ELL: variants seen among roughly 807,000 people sequenced by gnomAD.
ELL encodes the protein RNA polymerase II elongation factor ELL.
ELL carries 18 observed loss-of-function variants against 64.0 expected under a neutral mutation model. The observed-to-expected ratio is 0.28, with a 90% CI of 0.19 to 0.42. The LOEUF is 0.42. Among genes scored for constraint, ELL ranks in the 10% least tolerant of loss-of-function variants. The pLI is 1.00. For missense variants in ELL, 797 were observed against 870.4 expected, an observed-to-expected ratio of 0.92 and a Z score of 1.06; for synonymous variants, 399 against 376.2, an observed-to-expected ratio of 1.06 and a Z score of -0.70.
At chr19:18,521,000 C>A (rs1394137047) in intron 1 of ELL, among the ~76,000 whole-genome samples, 1 of 151,856 alleles carries the variant, frequency 6.6e-6, no homozygotes, top group Admixed American at 6.6e-5. Flanking sequence ...AAAGTCAGGC[C>A]CAAGAGAACA....
At chr19:18,512,094 G>A (rs1219864863) in intron 1 of ELL, among the ~76,000 whole-genome samples, 1 of 151,752 alleles carries the variant, frequency 6.6e-6, no homozygotes, top group African/African-American at 2.4e-5. Context: ...GGCAGAGGTT[G>A]CAGTGAGCCA....
At chr19:18,519,353 G>T (rs544245228) in intron 1 of ELL, among the ~76,000 whole-genome samples, 1 of 152,206 alleles carries the variant, frequency 6.6e-6, no homozygotes, top group Admixed American at 6.5e-5. Context: ...TTGTCCACAT[G>T]AGAGTTTGTC....
chr19:18,509,641 A>G lies in ELL; in HGVS notation c.135+12280T>C, dbSNP rs1235511679. Among the ~76,000 whole-genome samples, 2 of 120,410 alleles carry G rather than the reference A, an allele frequency of 1.7e-5. 1 individual carries two copies. The highest frequency in any genetic ancestry group is 7.9e-5 in the African/African-American group (2 of 25,262). The allele number at this position is 120,410 out of a possible 152,430, so 79.0% of individuals were successfully genotyped here. ...CACACACACACACACACACACACAC[A>G]CACACACACACACACACTCCCCTCC... On this transcript the variant is annotated intron_variant, in intron 1 of 11. Transcript: ENST00000262809.
At chr19:18,455,427 T>C (rs915506905) in intron 6 of ELL, among the ~76,000 whole-genome samples, 4 of 149,818 alleles carry the variant, frequency 2.7e-5, no homozygotes, top group Admixed American at 1.3e-4. Flanking sequence ...GAGGCGGAGG[T>C]TGCAGTGAGC....
chr19:18,513,161 C>T (rs532850148), intron 1 of ELL, among the ~76,000 whole-genome samples: 15 of 152,228 alleles, frequency 9.9e-5, no homozygotes, highest in African/African-American at 3.6e-4. Flanking sequence ...GCCTCAAAAT[C>T]GCAGCCTCAT....
intron 1 of ELL, among the ~76,000 whole-genome samples, chr19:18,500,758 G>A (rs1361193496): frequency 3.9e-5 from 6 of 152,216 alleles, no homozygotes; most frequent in African/African-American, 1.4e-4. Context: ...GGAACTGTCA[G>A]GGGCCATACA....
chr19:18,448,310 CCTCT>C (rs1420558956), intron 8 of ELL: 1 of 152,160 alleles, frequency 6.6e-6, no homozygotes, highest in African/African-American at 2.4e-5. Context: ...TTTGCTGAGC[CCTCT>C]CTCTCAGTGT....
chr19:18,509,648 C>G (rs973972370), intron 1 of ELL, among the ~76,000 whole-genome samples: 2 of 147,092 alleles, frequency 1.4e-5, no homozygotes, highest in South Asian at 4.3e-4. Flanking sequence ...CACACACACA[C>G]ACACACACAC....
At chr19:18,520,871 C>A (rs191356971) in intron 1 of ELL, among the ~76,000 whole-genome samples, 11 of 152,078 alleles carry the variant, frequency 7.2e-5, no homozygotes, top group Admixed American at 6.5e-4. Context: ...CACTTCCCCT[C>A]GGGACCTGAC....
chr19:18,451,068 C>T, intron 7 of ELL, 93 bp from the exon 8 acceptor site: 1 of 1,403,044 alleles, frequency 7.1e-7, no homozygotes, highest in Non-Finnish European at 9.2e-7. Flanking sequence ...CCCAACGCCG[C>T]CTGCAAGGCC....
intron 1 of ELL, among the ~76,000 whole-genome samples, chr19:18,509,414 G>A (rs1328150047): frequency 6.6e-6 from 1 of 151,978 alleles, no homozygotes; most frequent in African/African-American, 2.4e-5. Flanking sequence ...AAGCCCTTTG[G>A]GTTCCTGGTG....
intron 6 of ELL, among the ~76,000 whole-genome samples, chr19:18,453,160 A>G (rs8103520): frequency 6.6e-6 from 1 of 152,036 alleles, no homozygotes; most frequent in Non-Finnish European, 1.5e-5. Context: ...TGTAACCTCA[A>G]TTACTTGGGA....
At chr19:18,518,885 G>A (rs531186185) in intron 1 of ELL, among the ~76,000 whole-genome samples, 41 of 152,092 alleles carry the variant, frequency 2.7e-4, no homozygotes, top group Non-Finnish European at 5.1e-4. Flanking sequence ...CTTCCACCAC[G>A]CTGCTCCAGC....
intron 1 of ELL, among the ~76,000 whole-genome samples, chr19:18,483,216 G>C (rs1384433232): frequency 2.0e-5 from 3 of 152,148 alleles, no homozygotes; most frequent in Non-Finnish European, 1.5e-5. Flanking sequence ...CCAGTGAAGG[G>C]TCTCTCAGAT....
chr19:18,475,724 G>C (rs915191045), intron 1 of ELL: 2 of 152,250 alleles, frequency 1.3e-5, no homozygotes, highest in Non-Finnish European at 2.9e-5. Flanking sequence ...CAAAACCAAA[G>C]AGACAGAAAG....
intron 1 of ELL, among the ~76,000 whole-genome samples, chr19:18,478,033 GGAGGT>G (rs1332546476): frequency 1.3e-5 from 2 of 152,182 alleles, no homozygotes; most frequent in Non-Finnish European, 2.9e-5. Flanking sequence ...CAAGGGCCCA[GGAGGT>G]GAGTGTCGGC....
At chr19:18,496,600 G>C (rs1392943854) in intron 1 of ELL, among the ~76,000 whole-genome samples, 1 of 152,172 alleles carries the variant, frequency 6.6e-6, no homozygotes, top group South Asian at 2.1e-4. Context: ...TGGAGGCGTG[G>C]AGTAGGGTTG....
chr19:18,515,721 G>A (rs914150455), intron 1 of ELL, among the ~76,000 whole-genome samples: 2 of 152,124 alleles, frequency 1.3e-5, no homozygotes, highest in Non-Finnish European at 2.9e-5. Context: ...TCTTGGGGAC[G>A]CGGAAAGTTG....
At chr19:18,469,045 G>A (rs1406315443) in intron 2 of ELL, among the ~76,000 whole-genome samples, 1 of 152,200 alleles carries the variant, frequency 6.6e-6, no homozygotes, top group African/African-American at 2.4e-5. Context: ...AGAAGCAGGG[G>A]CCAGGTGCAG....
Sources: gnomAD v4.1 joint callset for allele counts (sites outside exome capture counted in the v4.1 genomes callset) on GRCh38, gnomAD v4.1.1 for gene constraint, MANE v1.5 for transcripts, NCBI Gene and HGNC (gene_info 2026-07-23, HGNC 2026-07-21) for gene names.